Variants in MYO7A observed in about 807,000 individuals in gnomAD.
The protein encoded by MYO7A is unconventional myosin-VIIa.
MYO7A carries 210 observed loss-of-function variants against 263.8 expected under a neutral mutation model. The observed-to-expected ratio is 0.80, with a 90% confidence interval of 0.71 to 0.89. The LOEUF is 0.89. Among genes scored for constraint, MYO7A ranks in the 40% least tolerant of loss-of-function variants. The pLI is 0.00. For missense variants in MYO7A, 2,820 were observed against 2,968.3 expected (o/e 0.95, Z 1.16); for synonymous variants, 1,239 against 1,197.3 (o/e 1.03, Z -0.72).
In MYO7A at chr11:77,199,580, T is replaced by G; in HGVS notation, c.4614T>G (p.Cys1538Trp). ...WLSLGCSDLGCAAPHSGWAGL... is the reference protein window; with the variant it reads ...WLSLGCSDLGWAAPHSGWAGL... ...CACTGGGCTGCTCTGATCTTGGCTG[T>G]GCTGCGCCTCACTCAGGCTGGGCAG... The change falls in exon 35 of 49, where the codon TGT becomes TGG. Residue 1538 changes from cysteine (C) to tryptophan (W), a missense_variant. Coordinates refer to ENST00000409709, the MANE Select transcript of MYO7A (RefSeq NM_000260.4). The G allele has an allele frequency of 1.3e-6, 2 of 1,565,328 alleles. No homozygotes were observed. Among genetic ancestry groups the G allele is most frequent in the South Asian group, 2.4e-5 (2 of 84,612 alleles).
chr11:77,147,970 G>C lies in MYO7A; in HGVS notation c.285+20G>C, dbSNP rs1555054932. The C allele has an allele frequency of 1.3e-6, 2 of 1,524,520 alleles. No individual in the cohort carries two copies. The highest frequency in any genetic ancestry group is 1.4e-5 in the African/African-American group (1 of 72,150). 94.4% of individuals were successfully genotyped at this position (1,524,520 alleles called of 1,614,324 possible). On this transcript the variant is annotated intron_variant, in intron 4 of 48. Transcript: ENST00000409709. ...ATCTACGTGAGTGCCGCCCCGCCCG[G>C]TGCCCGTCCAGGCCCCCTCAGGCCC...
intron 18 of MYO7A, among the ~76,000 whole-genome samples, chr11:77,177,173 G>T (rs1954717002): frequency 6.6e-6 from 1 of 152,192 alleles, no homozygotes; most frequent in East Asian, 1.9e-4. Context: ...CAAGGTTCGG[G>T]AGAAGAATGG....
chr11:77,206,841 T>G (rs2135744715), intron 41 of MYO7A, among the ~76,000 whole-genome samples: 1 of 152,330 alleles, frequency 6.6e-6, no homozygotes, highest in African/African-American at 2.4e-5. Flanking sequence ...GACCAAAGAC[T>G]TCCTCAAATC....
intron 19 of MYO7A, among the ~76,000 whole-genome samples, chr11:77,178,395 C>T (rs1954865139): frequency 1.3e-5 from 2 of 151,724 alleles, no homozygotes; most frequent in South Asian, 4.2e-4. Context: ...CACCCATCCA[C>T]CTACCCATTC....
rs781998758 is a variant in MYO7A at position 77,162,342 on chromosome 11, C to T, written c.1554+12C>T. On this transcript the variant is annotated intron_variant, in intron 13 of 48. Coordinates refer to ENST00000409709, the MANE Select transcript of MYO7A (RefSeq NM_000260.4). ...GCAAGTTCCCCAAGGTGGGCCGGTC[C>T]TGCTGCCGCCTCCCAGGGTCTTGGG... 14 of 1,550,582 alleles carry T rather than the reference C, an allele frequency of 9.0e-6. No homozygotes were observed. The Admixed American group carries it at 1.4e-4, about 15-fold the overall frequency.
intron 27 of MYO7A, among the ~76,000 whole-genome samples, chr11:77,188,478 ATT>A (rs1955797963): frequency 6.6e-6 from 1 of 152,214 alleles, no homozygotes; most frequent in African/African-American, 2.4e-5. Flanking sequence ...GAGCCACTGA[ATT>A]AGGTAATCCC....
chr11:77,179,909 C>T lies in MYO7A; in HGVS notation c.2542C>T (p.Arg848Trp), dbSNP rs1426313451. The change falls in exon 21 of 49, where the codon CGG becomes TGG. Residue 848 changes from arginine (R) to tryptophan (W), a missense_variant. Arg to Trp is a moderately radical substitution (Grantham distance 101). Coordinates refer to ENST00000409709, the MANE Select transcript of MYO7A (RefSeq NM_000260.4). ...WAVLTVQAYA[R>W]GMIARRLHQR... ...TGTGCTCACCGTGCAGGCCTATGCCCGGGGCATGATCGCCCGCAGGCTGCA... is the reference window on the plus strand; with the variant it reads ...TGTGCTCACCGTGCAGGCCTATGCCTGGGGCATGATCGCCCGCAGGCTGCA... 32 of 1,536,920 alleles carry T rather than the reference C, an allele frequency of 2.1e-5. No individual in the cohort carries two copies. The African/African-American group carries it at 2.2e-4, about 11-fold the overall frequency.
Position 77,159,232 on chromosome 11 carries a change from G to A in MYO7A, c.1004-215G>A, listed in dbSNP as rs45544542. 7.3e-3 allele frequency among the ~76,000 whole-genome samples: 1,112 copies of A among 152,324 alleles called. 7 individuals carry two copies. The highest frequency in any genetic ancestry group is 0.013 in the South Asian group (61 of 4,824). Reference sequence around the variant, plus strand: ...GCATGGTGCCATGTGCAGGGCATACGTGGTCCCTACCCTCATGCTGCCTGC... The same window carrying A: ...GCATGGTGCCATGTGCAGGGCATACATGGTCCCTACCCTCATGCTGCCTGC... On this transcript the variant is annotated intron_variant, in intron 9 of 48. Transcript: ENST00000409709.
intron 31 of MYO7A, 40 bp from the exon 32 acceptor site, chr11:77,194,314 G>C (rs1471876272): frequency 1.9e-6 from 3 of 1,591,812 alleles, no homozygotes; most frequent in Admixed American, 3.5e-5. Flanking sequence ...TTCCTGGAGG[G>C]GCCTGGGCCA....
intron 25 of MYO7A, 132 bp downstream of exon 25, chr11:77,182,732 C>T (rs909074698): frequency 1.2e-5 from 12 of 973,726 alleles, no homozygotes; most frequent in African/African-American, 6.5e-5. Flanking sequence ...CCCCTGCCTG[C>T]CACCCTCCTT....
intron 2 of MYO7A, chr11:77,142,403 T>C: frequency 2.3e-6 from 1 of 444,404 alleles, no homozygotes; most frequent in South Asian, 1.8e-5. Context: ...GTCATACACA[T>C]GTAGGGTGTA....
At position 77,166,096 on chromosome 11, in the gene MYO7A, T is replaced by G. The variant is rs782204980; in HGVS notation, c.1731T>G (p.Ile577Met). Residue 577 changes from isoleucine (I) to methionine (M), a missense_variant, in exon 15 of 49, where the codon ATT becomes ATG. Ile to Met is a conservative substitution (Grantham distance 10). Coordinates refer to ENST00000409709, the MANE Select transcript of MYO7A (RefSeq NM_000260.4). ...EKNRDTLHGD[I>M]IQLVHSSRNK... ...ACCGAGACACCCTGCATGGGGACAT[T>G]ATCCAGCTGGTCCACTCCTCCAGGA... 6.2e-7 allele frequency: 1 copy of G among 1,613,744 alleles called. No individual in the cohort carries two copies. Among genetic ancestry groups the G allele is most frequent in the Non-Finnish European group, 8.5e-7 (1 of 1,179,858 alleles).
intron 10 of MYO7A, 44 bp from the exon 11 acceptor site, chr11:77,160,119 G>A (rs1555067356): frequency 2.6e-6 from 4 of 1,537,744 alleles, no homozygotes; most frequent in Non-Finnish European, 3.5e-6. Context: ...GGTGGAGGGA[G>A]GGGCAGGCTG....
rs1957911918 is a variant in MYO7A at position 77,211,905 on chromosome 11, C to T, written c.6322C>T (p.Pro2108Ser). The T allele has an allele frequency of 1.3e-5, 21 of 1,613,916 alleles. No individual in the cohort carries two copies. Among genetic ancestry groups the T allele is most frequent in the Non-Finnish European group, 1.7e-5 (20 of 1,179,826 alleles). ...CTTCCTGAAGCTCATCTTCAAGTGG[C>T]CCACCTTTGGCTCAGCCTTCTTCGA... ...LAFLKLIFKWPTFGSAFFEVK... is the reference protein window; with the variant it reads ...LAFLKLIFKWSTFGSAFFEVK... The change falls in exon 46 of 49, where the codon CCC becomes TCC. Residue 2108 changes from proline to serine, a missense_variant. Pro to Ser is a moderately conservative substitution (Grantham distance 74). Coordinates refer to ENST00000409709, the MANE Select transcript of MYO7A (RefSeq NM_000260.4).
Position 77,179,942 on chromosome 11 carries a change from C to T in MYO7A, c.2575C>T (p.Leu859Phe). The change falls in exon 21 of 49, where the codon CTC becomes TTC. Residue 859 changes from leucine to phenylalanine, a missense_variant. By Grantham distance (22) the Leu-to-Phe change is conservative. Coordinates refer to ENST00000409709, the MANE Select transcript of MYO7A (RefSeq NM_000260.4). ...GATCGCCCGCAGGCTGCACCAACGC[C>T]TCAGGGCTGAGGTGAGGGAGCAAGT... ...GMIARRLHQRLRAEYLWRLEA... is the reference protein window; with the variant it reads ...GMIARRLHQRFRAEYLWRLEA... 1 of 1,526,976 alleles carries T rather than the reference C, an allele frequency of 6.5e-7. No homozygotes were observed. The highest frequency in any genetic ancestry group is 8.8e-7 in the Non-Finnish European group (1 of 1,138,440). 94.6% of individuals were successfully genotyped at this position (1,526,976 alleles called of 1,614,324 possible). A position where few individuals can be genotyped will look rare whatever the true frequency, so the allele number is the denominator to read the frequency against.
At chr11:77,178,468 C>T (rs1455822267) in intron 19 of MYO7A, among the ~76,000 whole-genome samples, 1 of 128,800 alleles carries the variant, frequency 7.8e-6, no homozygotes, top group South Asian at 2.7e-4. Context: ...ATGTGTGTCT[C>T]CAAGCATTGA....
At chr11:77,197,090 CTCTTCCCCG>C (rs2135651742) in intron 32 of MYO7A, among the ~76,000 whole-genome samples, 1 of 152,328 alleles carries the variant, frequency 6.6e-6, no homozygotes, top group East Asian at 1.9e-4. Flanking sequence ...CCCATTCCCT[CTCTTCCCCG>C]TCTGCCCTGC....
chr11:77,172,792 C>T lies in MYO7A; in HGVS notation c.1842C>T (p.Phe614=), dbSNP rs1555077076. The T allele has an allele frequency of 6.4e-7, 1 of 1,559,704 alleles. No individual in the cohort carries two copies. Residue 614 remains phenylalanine, a synonymous_variant, in exon 16 of 49, where the codon TTC becomes TTT. Transcript: ENST00000409709. ...GCTCGCCCACACTTAGCAGCCAGTT[C>T]AAGCGGTCACTGGAGCTGCTGATGC... ...RKRSPTLSSQ[F]KRSLELLMRT... is the part of the protein sequence containing the mutation.
intron 15 of MYO7A, 47 bp downstream of exon 15, chr11:77,166,209 C>T: frequency 6.6e-7 from 1 of 1,524,502 alleles, no homozygotes; most frequent in Admixed American, 1.7e-5. Flanking sequence ...CCCCACGGGC[C>T]AGGCCTGAGT....
Sources: allele counts gnomAD v4.1 joint callset (sites outside exome capture counted in the v4.1 genomes callset), GRCh38; gene constraint gnomAD v4.1.1; transcripts MANE v1.5; gene names NCBI Gene and HGNC (gene_info 2026-07-23, HGNC 2026-07-21).